IL1RAPL1: variants seen among roughly 807,000 people sequenced by gnomAD.
The protein encoded by IL1RAPL1 is interleukin 1 receptor accessory protein like 1.
A neutral mutation model predicts 48.4 loss-of-function variants in IL1RAPL1; 3 were observed. That is an observed-to-expected ratio of 0.06 (90% CI 0.03 to 0.16). The LOEUF (loss-of-function observed/expected upper bound fraction) is 0.16, where lower values mean the gene tolerates loss of function less well. Ranked by LOEUF, IL1RAPL1 falls within the 10% of genes least tolerant of loss-of-function variation. The pLI is 1.00. For missense variants in IL1RAPL1, 349 were observed against 530.6 expected, an observed-to-expected ratio of 0.66 and a Z score of 3.36; for synonymous variants, 185 against 187.7, an observed-to-expected ratio of 0.99 and a Z score of 0.12.
At chrX:29,357,073 G>A (rs1310283377) in intron 3 of IL1RAPL1, among the ~76,000 whole-genome samples, 1 of 112,015 alleles carries the variant, frequency 8.9e-6, no homozygotes, top group Non-Finnish European at 1.9e-5. Flanking sequence ...TAATTTGCTA[G>A]TTATGGTGTA....
intron 2 of IL1RAPL1, among the ~76,000 whole-genome samples, chrX:28,830,385 T>G (rs1487325936): frequency 8.9e-6 from 1 of 112,028 alleles, no homozygotes; most frequent in Non-Finnish European, 1.9e-5. Flanking sequence ...TCTATTTTCA[T>G]GTTTGCAGAT....
intron 6 of IL1RAPL1, among the ~76,000 whole-genome samples, chrX:29,761,219 C>A (rs1174699904): frequency 8.9e-6 from 1 of 111,780 alleles, no homozygotes; most frequent in Non-Finnish European, 1.9e-5. Context: ...ACATTAAATA[C>A]CTTCACACAC....
intron 2 of IL1RAPL1, among the ~76,000 whole-genome samples, chrX:29,280,389 A>T (rs1932182912): frequency 9.0e-6 from 1 of 111,375 alleles, no homozygotes; most frequent in Admixed American, 9.6e-5. Flanking sequence ...TTTAAACCCA[A>T]ATTTGGTAAT....
chrX:28,783,277 G>A (rs1438463263), intron 1 of IL1RAPL1, among the ~76,000 whole-genome samples: 1 of 112,038 alleles, frequency 8.9e-6, no homozygotes, highest in Non-Finnish European at 1.9e-5. Context: ...GATGCATTTT[G>A]GATAAGATTA....
chrX:28,901,306 C>G (rs943084252), intron 2 of IL1RAPL1, among the ~76,000 whole-genome samples: 1 of 112,010 alleles, frequency 8.9e-6, no homozygotes, highest in Admixed American at 9.5e-5. Flanking sequence ...TTAACTCCCT[C>G]TTGTTTCACT....
chrX:28,970,271 G>C (rs1925038122), intron 2 of IL1RAPL1, among the ~76,000 whole-genome samples: 1 of 112,231 alleles, frequency 8.9e-6, no homozygotes, highest in African/African-American at 3.2e-5. Context: ...CTAAGTGCTG[G>C]GATTACAGGC....
intron 6 of IL1RAPL1, among the ~76,000 whole-genome samples, chrX:29,684,165 A>G (rs1476177710): frequency 1.8e-5 from 2 of 111,534 alleles, no homozygotes; most frequent in African/African-American, 6.5e-5. Flanking sequence ...AAACTGAAAA[A>G]TGCCTTATCC....
chrX:29,251,808 G>A (rs185285668), intron 2 of IL1RAPL1, among the ~76,000 whole-genome samples: 49 of 111,308 alleles, frequency 4.4e-4, no homozygotes, highest in African/African-American at 7.5e-4. Context: ...TAGGACTTCC[G>A]TGACAAATAT....
At chrX:29,551,958 G>T (rs1316764682) in intron 5 of IL1RAPL1, among the ~76,000 whole-genome samples, 1 of 111,534 alleles carries the variant, frequency 9.0e-6, no homozygotes, top group African/African-American at 3.3e-5. Context: ...AGAAAGACAA[G>T]TCTGTCAGCA....
intron 6 of IL1RAPL1, among the ~76,000 whole-genome samples, chrX:29,789,593 T>G (rs140068212): frequency 1.2e-3 from 131 of 111,534 alleles, no homozygotes; most frequent in African/African-American, 4.1e-3. Context: ...TTGTTTGTTT[T>G]TTTTCTGGCA....
intron 2 of IL1RAPL1, among the ~76,000 whole-genome samples, chrX:29,025,978 C>G (rs895824719): frequency 8.1e-5 from 9 of 111,584 alleles, no homozygotes; most frequent in African/African-American, 2.6e-4. Flanking sequence ...ACAGTGTTTG[C>G]TCTACTAAAG....
At chrX:29,413,478 AT>A (rs1569306016) in intron 5 of IL1RAPL1, among the ~76,000 whole-genome samples, 1 of 107,367 alleles carries the variant, frequency 9.3e-6, no homozygotes, top group Non-Finnish European at 1.9e-5. Context: ...AACATTAGGT[AT>A]ATCTCCTAAT....
At position 28,981,123 on chromosome X, in the gene IL1RAPL1, A is replaced by G. The variant is rs1350797609; in HGVS notation, c.82+191698A>G. Among the ~76,000 whole-genome samples, 22 of 96,844 alleles carry G rather than the reference A, an allele frequency of 2.3e-4. 1 individual carries two copies. The highest frequency in any genetic ancestry group is 7.4e-4 in the African/African-American group (19 of 25,658). 84.1% of individuals were successfully genotyped at this position (96,844 alleles called of 115,157 possible). A position where few individuals can be genotyped will look rare whatever the true frequency, so the allele number is the denominator to read the frequency against. On this transcript the variant is annotated intron_variant, in intron 2 of 10. Coordinates refer to ENST00000378993, the MANE Select transcript of IL1RAPL1 (RefSeq NM_014271.4). ...AAAAAAAAAAAAAAAAAAAAAAAAAAAAAAAGGAAAGAAAGAAAGAAAAGA... is the reference window on the plus strand; with the variant it reads ...AAAAAAAAAAAAAAAAAAAAAAAAAGAAAAAGGAAAGAAAGAAAGAAAAGA...
At chrX:29,562,275 T>C (rs1243505145) in intron 5 of IL1RAPL1, among the ~76,000 whole-genome samples, 2 of 108,849 alleles carry the variant, frequency 1.8e-5, no homozygotes, top group Non-Finnish European at 3.8e-5. Flanking sequence ...GCTGCCACCA[T>C]GCTCAGCCAG....
rs868622421 is a variant in IL1RAPL1, at chrX:29,862,176, T to A, written c.779-55288T>A. Among the ~76,000 whole-genome samples the A allele has an allele frequency of 4.7e-4, 49 of 103,284 alleles. No individual in the cohort carries two copies. The East Asian group carries it at 5.3e-3, about 11-fold the overall frequency. 89.7% of individuals were successfully genotyped at this position (103,284 alleles called of 115,157 possible). A position where few individuals can be genotyped will look rare whatever the true frequency, so the allele number is the denominator to read the frequency against. ...CCCTGTCTCAAAAAAAAAAAAAAAA[T>A]AAGAATAATCTCAGCATTTGAGAAG... On this transcript the variant is annotated intron_variant, in intron 6 of 10. Coordinates refer to ENST00000378993, the MANE Select transcript of IL1RAPL1 (RefSeq NM_014271.4).
chrX:29,015,008 A>G (rs959136555), intron 2 of IL1RAPL1, among the ~76,000 whole-genome samples: 2 of 111,206 alleles, frequency 1.8e-5, no homozygotes, highest in Non-Finnish European at 3.8e-5. Context: ...CTAAGAACTC[A>G]TGTGGGAATA....
intron 5 of IL1RAPL1, among the ~76,000 whole-genome samples, chrX:29,432,002 A>T (rs776734678): frequency 1.8e-5 from 2 of 111,643 alleles, no homozygotes; most frequent in East Asian, 2.8e-4. Flanking sequence ...AACTTAGCTG[A>T]TCTCTTTTGG....
intron 6 of IL1RAPL1, among the ~76,000 whole-genome samples, chrX:29,702,080 C>T (rs1261944161): frequency 9.0e-6 from 1 of 110,801 alleles, no homozygotes; most frequent in African/African-American, 3.3e-5. Context: ...CATGGCGAAA[C>T]CCCAGTGCTA....
Position 29,711,069 on chromosome X carries a change from T to TACACAC in IL1RAPL1, c.778+42581_778+42586dup, listed in dbSNP as rs745317897. On this transcript the variant is annotated intron_variant, in intron 6 of 10. Coordinates refer to ENST00000378993, the MANE Select transcript of IL1RAPL1 (RefSeq NM_014271.4). ...GTGTGTGTGTGTGTGTGTGTGTGTA[T>TACACAC]ACACACACACACACACACACAGATA... Among the ~76,000 whole-genome samples, 494 of 86,425 alleles carry TACACAC rather than the reference T, an allele frequency of 5.7e-3. 7 individuals are homozygous for TACACAC. The highest frequency in any genetic ancestry group is 0.018 in the African/African-American group (435 of 23,934). The allele number at this position is 86,425 out of a possible 115,157, so 75.0% of individuals were successfully genotyped here. A position where few individuals can be genotyped will look rare whatever the true frequency, so the allele number is the denominator to read the frequency against.
Sources: gnomAD v4.1 joint callset for allele counts (sites outside exome capture counted in the v4.1 genomes callset) on GRCh38, gnomAD v4.1.1 for gene constraint, MANE v1.5 for transcripts, NCBI Gene and HGNC (gene_info 2026-07-23, HGNC 2026-07-21) for gene names.